Variants in RFTN2 observed in about 807,000 individuals in gnomAD.
The protein encoded by RFTN2 is raftlin-2.
RFTN2 carries 34 observed loss-of-function variants against 52.7 expected under a neutral mutation model. The ratio of observed to expected loss-of-function variants is 0.64; its 90% CI spans 0.49 to 0.86. RFTN2 has a LOEUF of 0.86. RFTN2 is among the 40% of genes least tolerant of loss of function. The pLI is 0.00. For synonymous variants in RFTN2, 203 were observed against 217.7 expected (o/e 0.93, Z 0.59); for missense variants, 536 against 600.1 (o/e 0.89, Z 1.12).
chr2:197,573,638 CATAAGTAACAAGG>C (rs2087363765), intron 8 of RFTN2, among the ~76,000 whole-genome samples: 1 of 152,190 alleles, frequency 6.6e-6, no homozygotes, highest in Admixed American at 6.5e-5. Context: ...CAGAAATTTG[CATAAGTAACAAGG>C]AGCCAAATGT....
intron 1 of RFTN2, among the ~76,000 whole-genome samples, chr2:197,672,662 T>C (rs937009933): frequency 1.3e-5 from 2 of 152,218 alleles, no homozygotes; most frequent in African/African-American, 4.8e-5. Flanking sequence ...GTCAGCACCA[T>C]GAGAATACCC....
intron 1 of RFTN2, among the ~76,000 whole-genome samples, chr2:197,671,325 CAGTT>C (rs1186429556): frequency 6.6e-6 from 1 of 152,214 alleles, no homozygotes; most frequent in Non-Finnish European, 1.5e-5. Flanking sequence ...CTTCAAGGGT[CAGTT>C]AAAGTCCTAA....
At chr2:197,586,081 A>C (rs2087592237) in intron 8 of RFTN2, among the ~76,000 whole-genome samples, 2 of 152,200 alleles carry the variant, frequency 1.3e-5, no homozygotes, top group Non-Finnish European at 2.9e-5. Context: ...ATTACAGATA[A>C]GCCCTCTATC....
intron 2 of RFTN2, among the ~76,000 whole-genome samples, chr2:197,645,978 T>C (rs1212955305): frequency 1.3e-5 from 2 of 152,076 alleles, no homozygotes; most frequent in Non-Finnish European, 2.9e-5. Flanking sequence ...GTGAGCTGAG[T>C]TGGTGCCATT....
chr2:197,598,963 T>C (rs2087834680), intron 7 of RFTN2, among the ~76,000 whole-genome samples: 2 of 152,122 alleles, frequency 1.3e-5, no homozygotes, highest in South Asian at 4.1e-4. Context: ...TTCTTCTTTT[T>C]TTTTTTTTGA....
chr2:197,618,116 C>T (rs952561831), intron 5 of RFTN2, 195 bp from the exon 6 acceptor site: 15 of 282,948 alleles, frequency 5.3e-5, no homozygotes, highest in Admixed American at 4.0e-4. Context: ...TCTCTTTCCA[C>T]GGTCTCCCTC....
chr2:197,663,972 C>T (rs1190112594), intron 1 of RFTN2, among the ~76,000 whole-genome samples: 1 of 152,028 alleles, frequency 6.6e-6, no homozygotes, highest in Non-Finnish European at 1.5e-5. Flanking sequence ...TTGTATCCCA[C>T]AGTTTTTGAT....
chr2:197,598,356 T>G (rs1489213783), intron 7 of RFTN2, among the ~76,000 whole-genome samples: 1 of 151,774 alleles, frequency 6.6e-6, no homozygotes, highest in Non-Finnish European at 1.5e-5. Flanking sequence ...AAAAACAAAT[T>G]CAAGGGACAG....
intron 5 of RFTN2, among the ~76,000 whole-genome samples, chr2:197,624,052 G>T: frequency 6.6e-6 from 1 of 152,124 alleles, no homozygotes; most frequent in Non-Finnish European, 1.5e-5. Flanking sequence ...TCCCGCCTCG[G>T]CCTCCCAAAG....
chr2:197,622,525 C>T lies in RFTN2; in HGVS notation c.929-4604G>A, dbSNP rs561824475. Among the ~76,000 whole-genome samples, 299 of 152,246 alleles carry T rather than the reference C, an allele frequency of 2.0e-3. 1 individual carries two copies. The highest frequency in any genetic ancestry group is 6.6e-3 in the African/African-American group (276 of 41,536). On this transcript the variant is annotated intron_variant, in intron 5 of 8. Coordinates refer to ENST00000295049, the MANE Select transcript of RFTN2 (RefSeq NM_144629.3). ...TTCACCATTTTAGCCAGGCTGATCT[C>T]GAACTCCTGACCTCAAATGATCCAA...
chr2:197,619,976 C>A (rs960639194), intron 5 of RFTN2, among the ~76,000 whole-genome samples: 1 of 150,430 alleles, frequency 6.6e-6, no homozygotes, highest in Non-Finnish European at 1.5e-5. Flanking sequence ...AGTGGAAAAT[C>A]AATCTAAAAG....
chr2:197,623,855 G>C (rs1270143007), intron 5 of RFTN2, among the ~76,000 whole-genome samples: 1 of 152,058 alleles, frequency 6.6e-6, no homozygotes, highest in African/African-American at 2.4e-5. Flanking sequence ...GTAGAGACAG[G>C]GTTTCACCAT....
chr2:197,621,021 G>A (rs938672395), intron 5 of RFTN2, among the ~76,000 whole-genome samples: 9 of 152,004 alleles, frequency 5.9e-5, no homozygotes, highest in Non-Finnish European at 1.0e-4. Context: ...ACCCAGTGAA[G>A]TTTAGTTTCC....
intron 3 of RFTN2, among the ~76,000 whole-genome samples, chr2:197,640,711 G>A (rs966602197): frequency 3.9e-5 from 6 of 152,292 alleles, no homozygotes; most frequent in Admixed American, 2.0e-4. Flanking sequence ...CGCTCACGCC[G>A]GGAGCTGTAG....
At chr2:197,606,498 C>G (rs942898620) in intron 7 of RFTN2, among the ~76,000 whole-genome samples, 2 of 151,782 alleles carry the variant, frequency 1.3e-5, no homozygotes, top group African/African-American at 2.4e-5. Context: ...TTAAACTAAA[C>G]AGCTTCTGCA....
intron 1 of RFTN2, among the ~76,000 whole-genome samples, chr2:197,654,275 T>G (rs1004869244): frequency 2.6e-5 from 4 of 152,056 alleles, no homozygotes; most frequent in African/African-American, 9.7e-5. Flanking sequence ...AAGTCCCAGC[T>G]ACTTGGGGGC....
In RFTN2 at chr2:197,571,336, G is replaced by T. The variant is rs1472277231; in HGVS notation, c.*672C>A. 3.3e-5 allele frequency: 5 copies of T among 152,372 alleles called. No individual in the cohort carries two copies. Among genetic ancestry groups the T allele is most frequent in the African/African-American group, 4.8e-5 (2 of 41,414 alleles). The allele number at this position is 152,372 out of a possible 1,614,324, so 9.4% of individuals were successfully genotyped here. A position where few individuals can be genotyped will look rare whatever the true frequency, so the allele number is the denominator to read the frequency against. ...ATTGAATTTTAAGAGATGCTGCTTTGCTGTCTGCATTTTTAGGCTTTTAGG... is the reference window on the plus strand; with the variant it reads ...ATTGAATTTTAAGAGATGCTGCTTTTCTGTCTGCATTTTTAGGCTTTTAGG... On this transcript the variant is annotated 3_prime_UTR_variant, in exon 9 of 9. Transcript: ENST00000295049.
At chr2:197,581,147 G>A (rs2087501787) in intron 8 of RFTN2, among the ~76,000 whole-genome samples, 1 of 152,084 alleles carries the variant, frequency 6.6e-6, no homozygotes. Context: ...GCCTGTTATT[G>A]CTCACCTGCT....
intron 8 of RFTN2, among the ~76,000 whole-genome samples, chr2:197,590,000 A>C (rs564557747): frequency 6.6e-6 from 1 of 152,050 alleles, no homozygotes; most frequent in African/African-American, 2.4e-5. Flanking sequence ...TCCATCTCCC[A>C]GGCTCCAGCG....
Sources: allele counts gnomAD v4.1 joint callset (sites outside exome capture counted in the v4.1 genomes callset), GRCh38; gene constraint gnomAD v4.1.1; transcripts MANE v1.5; gene names NCBI Gene and HGNC (gene_info 2026-07-23, HGNC 2026-07-21).